XKR9: variants seen among roughly 807,000 people sequenced by gnomAD.
XKR9 encodes XK related 9.
Under a neutral mutation model 32.0 loss-of-function variants are expected in XKR9, and 32 were observed. The ratio of observed to expected loss-of-function variants is 1.00; its 90% confidence interval spans 0.76 to 1.34. The LOEUF is 1.34. XKR9 is among the 40% of genes most tolerant of loss of function. XKR9 has a pLI of 0.00. For missense variants in XKR9, 546 were observed against 429.7 expected, an observed-to-expected ratio of 1.27 and a Z score of -2.39; for synonymous variants, 168 against 143.4, an observed-to-expected ratio of 1.17 and a Z score of -1.22.
At chr8:70,934,132 G>A in the XKR9 span, among the ~76,000 whole-genome samples, 2 of 151,908 alleles carry the variant, frequency 1.3e-5, no homozygotes, top group Non-Finnish European at 2.9e-5. Flanking sequence ...TTAATTGTGT[G>A]GATATTATAA....
At chr8:70,836,584 T>A in the XKR9 span, among the ~76,000 whole-genome samples, 1 of 152,080 alleles carries the variant, frequency 6.6e-6, no homozygotes, top group Non-Finnish European at 1.5e-5. Context: ...AAAAAAATGA[T>A]TTAAAAAATC....
chr8:70,785,356 T>C (rs1245383494), intron 2 of XKR9, among the ~76,000 whole-genome samples: 2 of 152,032 alleles, frequency 1.3e-5, no homozygotes, highest in African/African-American at 4.8e-5. Flanking sequence ...TTGTAATGTC[T>C]CCTCTTTCAT....
At chr8:70,775,906 G>T (rs529417892) in intron 2 of XKR9, among the ~76,000 whole-genome samples, 2 of 151,774 alleles carry the variant, frequency 1.3e-5, no homozygotes, top group African/African-American at 2.4e-5. Flanking sequence ...CACTATGTTC[G>T]GTTAAGTTTT....
At chr8:71,016,428 G>A in the XKR9 span, among the ~76,000 whole-genome samples, 1 of 152,160 alleles carries the variant, frequency 6.6e-6, no homozygotes, top group African/African-American at 2.4e-5. Flanking sequence ...ATCTCACACA[G>A]GTGCTGCTTC....
At chr8:70,691,281 G>GT (rs1805061549) in intron 3 of XKR9, among the ~76,000 whole-genome samples, 2 of 152,156 alleles carry the variant, frequency 1.3e-5, no homozygotes, top group African/African-American at 4.8e-5. Flanking sequence ...TTGTAAAGTT[G>GT]TTTAAGTTCC....
intron 4 of XKR9, among the ~76,000 whole-genome samples, chr8:70,719,286 T>C (rs778171839): frequency 3.9e-5 from 6 of 152,194 alleles, no homozygotes; most frequent in Non-Finnish European, 7.3e-5. Context: ...TTTCTTTTGC[T>C]GTGCAGAGCC....
intron 4 of XKR9, among the ~76,000 whole-genome samples, chr8:70,708,134 T>C (rs767004673): frequency 7.2e-5 from 11 of 152,002 alleles, no homozygotes; most frequent in Non-Finnish European, 1.6e-4. Context: ...ACAAAATGAT[T>C]GTGTGTATGA....
At chr8:70,728,819 T>C (rs1806564929) in intron 4 of XKR9, among the ~76,000 whole-genome samples, 1 of 152,234 alleles carries the variant, frequency 6.6e-6, no homozygotes, top group African/African-American at 2.4e-5. Flanking sequence ...TCACATAGGC[T>C]TTTTAAAATT....
rs1393180769 is a variant in XKR9 at position 70,675,038 on chromosome 8, CA to C, written c.-279+140del. On this transcript the variant is annotated intron_variant, in intron 2 of 4. Coordinates refer to ENST00000408926, the MANE Select transcript of XKR9 (RefSeq NM_001011720.2). ...GTATTTCGGCTCGCAGCCAGGTAGC[CA>C]CATAGCTAGGTTGATATTTGGAATT... The C allele has an allele frequency of 2.6e-4, 39 of 152,282 alleles. 1 individual carries two copies. The highest frequency in any genetic ancestry group is 9.1e-4 in the African/African-American group (38 of 41,556). The allele number at this position is 152,282 out of a possible 1,614,324, so 9.4% of individuals were successfully genotyped here.
intron 2 of XKR9, among the ~76,000 whole-genome samples, chr8:70,751,902 C>G (rs1361301252): frequency 6.6e-6 from 1 of 152,170 alleles, no homozygotes; most frequent in African/African-American, 2.4e-5. Context: ...TGTGGGACTT[C>G]TCAGCTTCCA....
chr8:70,961,742 T>C, the XKR9 span, among the ~76,000 whole-genome samples: 1 of 152,136 alleles, frequency 6.6e-6, no homozygotes. Flanking sequence ...GAAGGGTACA[T>C]TTTTTATGAT....
chr8:70,938,095 A>T, the XKR9 span, among the ~76,000 whole-genome samples: 3 of 152,024 alleles, frequency 2.0e-5, no homozygotes, highest in Non-Finnish European at 4.4e-5. Context: ...CAGTGCTGTT[A>T]TCAGTTTAGA....
chr8:70,983,068 C>T, the XKR9 span, among the ~76,000 whole-genome samples: 1 of 152,026 alleles, frequency 6.6e-6, no homozygotes, highest in South Asian at 2.1e-4. Context: ...GAAGTGGTGG[C>T]CCTTTGAGTC....
In XKR9 at chr8:70,761,190, T is replaced by G. The variant is rs914573435; in HGVS notation, n.353-28149T>G. ...AATGAACATACACATGCATGTGTCT[T>G]TATAGTAGAACAATTATGTTAATTT... On this transcript the variant is annotated intron_variant and non_coding_transcript_variant, in intron 2 of 3. Coordinates refer to the XKR9 transcript ENST00000520273. 5.9e-5 allele frequency among the ~76,000 whole-genome samples: 9 copies of G among 152,348 alleles called. No individual in the cohort carries two copies. The East Asian group carries it at 1.5e-3, about 26-fold the overall frequency.
the XKR9 span, among the ~76,000 whole-genome samples, chr8:70,864,933 T>C: frequency 6.6e-6 from 1 of 152,188 alleles, no homozygotes; most frequent in Non-Finnish European, 1.5e-5. Flanking sequence ...CCAACCAGGC[T>C]TACTTCAACT....
At chr8:70,861,279 T>C in the XKR9 span, among the ~76,000 whole-genome samples, 1 of 152,298 alleles carries the variant, frequency 6.6e-6, no homozygotes, top group South Asian at 2.1e-4. Flanking sequence ...TGTGTGACCT[T>C]GGGAAAATTG....
At chr8:70,879,944 A>T in the XKR9 span, among the ~76,000 whole-genome samples, 22 of 152,220 alleles carry the variant, frequency 1.4e-4, no homozygotes, top group African/African-American at 5.3e-4. Flanking sequence ...AATCGGCTTC[A>T]TCCCTGGGAT....
chr8:70,812,004 A>G, the XKR9 span, among the ~76,000 whole-genome samples: 1 of 152,070 alleles, frequency 6.6e-6, no homozygotes, highest in African/African-American at 2.4e-5. Context: ...AGAATTTTAG[A>G]CCAATATCCT....
At chr8:70,796,368 A>G in the XKR9 span, among the ~76,000 whole-genome samples, 2 of 152,016 alleles carry the variant, frequency 1.3e-5, no homozygotes, top group Admixed American at 6.6e-5. Context: ...TTTCTTTACA[A>G]TTGTTCATTG....
Sources: allele counts gnomAD v4.1 joint callset (sites outside exome capture counted in the v4.1 genomes callset), GRCh38; gene constraint gnomAD v4.1.1; transcripts MANE v1.5; gene names NCBI Gene and HGNC (gene_info 2026-07-23, HGNC 2026-07-21).